Variants in MEIS2 observed in about 807,000 individuals in gnomAD.
MEIS2 encodes homeobox protein Meis2.
In MEIS2, 9 loss-of-function variants were observed where a neutral mutation model predicts 58.6. That is an observed-to-expected ratio of 0.15 (90% CI 0.09 to 0.27). MEIS2 has a LOEUF of 0.27. Ranked by LOEUF, MEIS2 falls within the 10% of genes least tolerant of loss-of-function variation. MEIS2 has a pLI of 1.00. For synonymous variants in MEIS2, 221 were observed against 228.4 expected, an observed-to-expected ratio of 0.97 and a Z score of 0.29; for missense variants, 427 against 635.0, an observed-to-expected ratio of 0.67 and a Z score of 3.52.
chr15:37,099,415 A>G, intron 1 of MEIS2, 40 bp downstream of exon 1: 1 of 1,613,994 alleles, frequency 6.2e-7, no homozygotes, highest in Non-Finnish European at 8.5e-7. Flanking sequence ...CTCTTAGGAG[A>G]GGATTTATAT....
chr15:36,978,719 T>C (rs903320701), intron 8 of MEIS2, among the ~76,000 whole-genome samples: 6 of 152,236 alleles, frequency 3.9e-5, no homozygotes, highest in African/African-American at 2.4e-5. Context: ...AATCGGCTCA[T>C]ACTGCATATA....
chr15:37,022,430 G>A (rs982186838), intron 8 of MEIS2, among the ~76,000 whole-genome samples: 1 of 151,998 alleles, frequency 6.6e-6, no homozygotes, highest in African/African-American at 2.4e-5. Context: ...TTATTTTTTT[G>A]TAGAGATGGA....
intron 8 of MEIS2, among the ~76,000 whole-genome samples, chr15:36,981,796 C>A (rs956395999): frequency 1.6e-4 from 25 of 152,102 alleles, no homozygotes; most frequent in African/African-American, 5.8e-4. Context: ...CTGTCATCAT[C>A]CCATCTGTTG....
chr15:36,907,971 AAAT>A (rs1165850437), intron 9 of MEIS2, among the ~76,000 whole-genome samples: 1 of 152,182 alleles, frequency 6.6e-6, no homozygotes, highest in Non-Finnish European at 1.5e-5. Flanking sequence ...AACTCACTTT[AAAT>A]AAATTATAGT....
chr15:36,946,331 T>G (rs867088724), intron 9 of MEIS2, among the ~76,000 whole-genome samples: 22 of 151,778 alleles, frequency 1.4e-4, no homozygotes, highest in Admixed American at 4.6e-4. Flanking sequence ...ATCCAGAACT[T>G]TCTTTCAAAA....
chr15:37,005,617 C>T (rs2060893722), intron 8 of MEIS2, among the ~76,000 whole-genome samples: 1 of 152,184 alleles, frequency 6.6e-6, no homozygotes, highest in Non-Finnish European at 1.5e-5. Flanking sequence ...AGGCTGAGTG[C>T]AGTAGCGTGA....
chr15:37,074,681 T>C (rs1056509461), intron 7 of MEIS2, among the ~76,000 whole-genome samples: 1 of 152,004 alleles, frequency 6.6e-6, no homozygotes, highest in Admixed American at 6.6e-5. Context: ...TGTTATTTGC[T>C]GAACACATGG....
At chr15:37,003,905 C>A (rs1399576459) in intron 8 of MEIS2, among the ~76,000 whole-genome samples, 1 of 152,176 alleles carries the variant, frequency 6.6e-6, no homozygotes, top group Non-Finnish European at 1.5e-5. Flanking sequence ...GGGAAGTAAG[C>A]CGTCACCAGA....
chr15:37,093,642 T>A lies in MEIS2; in HGVS notation c.578A>T (p.Asp193Val), dbSNP rs1230534167. Residue 193 changes from aspartate to valine, a missense_variant, in exon 6 of 12, where the codon GAC (aspartate) becomes GTC (valine). Asp to Val is a radical substitution (Grantham distance 152). Coordinates refer to ENST00000561208, the MANE Select transcript of MEIS2 (RefSeq NM_170675.5). Reference sequence around the variant, plus strand: ...TTCATGATCTGACTTGGAGCTGCCGTCTCTTTCATCAATGACGAGGTCGAT... The same window carrying A: ...TTCATGATCTGACTTGGAGCTGCCGACTCTTTCATCAATGACGAGGTCGAT... ...MPIDLVIDERDGSSKSDHEEL... is the reference protein window; with the variant it reads ...MPIDLVIDERVGSSKSDHEEL... 3 of 1,614,074 alleles carry A rather than the reference T, an allele frequency of 1.9e-6. No individual in the cohort carries two copies. The highest frequency in any genetic ancestry group is 1.3e-5 in the African/African-American group (1 of 74,924).
chr15:36,998,302 T>A, intron 8 of MEIS2, among the ~76,000 whole-genome samples: 1 of 129,412 alleles, frequency 7.7e-6, no homozygotes, highest in Non-Finnish European at 1.6e-5. Flanking sequence ...AGTGGTGCAA[T>A]CACAGCTCAC....
chr15:37,030,976 A>G (rs2061897354), intron 8 of MEIS2, among the ~76,000 whole-genome samples: 1 of 152,182 alleles, frequency 6.6e-6, no homozygotes, highest in Admixed American at 6.5e-5. Context: ...TGGTCTCTAC[A>G]TCTCTACAAT....
At chr15:36,988,007 T>C (rs2060148057) in intron 8 of MEIS2, among the ~76,000 whole-genome samples, 1 of 152,194 alleles carries the variant, frequency 6.6e-6, no homozygotes, top group Admixed American at 6.5e-5. Context: ...CTCTTAAAAA[T>C]GCCACAGAGT....
intron 8 of MEIS2, among the ~76,000 whole-genome samples, chr15:37,009,474 G>GTTTAT: frequency 6.6e-6 from 1 of 152,302 alleles, no homozygotes; most frequent in Non-Finnish European, 1.5e-5. Context: ...TGAAGCCAAT[G>GTTTAT]TTTATTTTAG....
intron 8 of MEIS2, among the ~76,000 whole-genome samples, chr15:37,015,225 C>G (rs1462464091): frequency 6.6e-6 from 1 of 152,186 alleles, no homozygotes; most frequent in Non-Finnish European, 1.5e-5. Context: ...TTATGTAAAT[C>G]AGAGCCTGTC....
chr15:36,895,918 T>C (rs1595668508), intron 10 of MEIS2, among the ~76,000 whole-genome samples: 1 of 152,246 alleles, frequency 6.6e-6, no homozygotes, highest in East Asian at 1.9e-4. Context: ...GTGGCAGCAG[T>C]CATCACCCCA....
At chr15:36,898,682 G>A (rs2056312727) in intron 9 of MEIS2, 1 of 152,092 alleles carries the variant, frequency 6.6e-6, no homozygotes, top group South Asian at 2.1e-4. Flanking sequence ...ATGGTTCTTA[G>A]TTCTCAGCAG....
chr15:37,042,859 A>T (rs923993305), intron 7 of MEIS2, among the ~76,000 whole-genome samples: 3 of 152,194 alleles, frequency 2.0e-5, no homozygotes, highest in African/African-American at 7.2e-5. Flanking sequence ...AGAGCACCGG[A>T]CTGACCCTCA....
intron 9 of MEIS2, among the ~76,000 whole-genome samples, chr15:36,917,070 G>T (rs1314432953): frequency 6.6e-6 from 1 of 152,182 alleles, no homozygotes; most frequent in African/African-American, 2.4e-5. Context: ...GAATATTTAG[G>T]GTTGTTTTTC....
In MEIS2 at chr15:36,892,322, A is replaced by G. The variant is rs774662563; in HGVS notation, c.1285T>C (p.Leu429=). The G allele has an allele frequency of 5.6e-6, 9 of 1,613,862 alleles. No homozygotes were observed. The East Asian group carries it at 1.6e-4, about 28-fold the overall frequency. The change falls in exon 12 of 12, where the codon TTG becomes CTG. Residue 429 remains leucine (L), a synonymous_variant. Transcript: ENST00000561208. Reference sequence around the variant, plus strand: ...GCTGGGTGGTGGGGATGGCTTGGCAAATATGAATGCATTGGGGGTCCATGT... The same window carrying G: ...GCTGGGTGGTGGGGATGGCTTGGCAGATATGAATGCATTGGGGGTCCATGT... ...LRHGPPMHSY[L]PSHPHHPAMM... is the part of the protein sequence containing the mutation.
Sources: allele counts gnomAD v4.1 joint callset (sites outside exome capture counted in the v4.1 genomes callset), GRCh38; gene constraint gnomAD v4.1.1; transcripts MANE v1.5; gene names NCBI Gene and HGNC (gene_info 2026-07-23, HGNC 2026-07-21).